MICALL2: variants seen among roughly 807,000 people sequenced by gnomAD.
MICALL2 encodes MICAL like 2.
MICALL2 carries 111 observed loss-of-function variants against 91.1 expected under a neutral mutation model. The ratio of observed to expected loss-of-function variants is 1.22; its 90% CI spans 1.04 to 1.43. The LOEUF (loss-of-function observed/expected upper bound fraction) is 1.43, where lower values mean the gene tolerates loss of function less well. Ranked by LOEUF, MICALL2 falls within the 40% of genes most tolerant of loss-of-function variation. The pLI is 0.00. For synonymous variants in MICALL2, 694 were observed against 525.3 expected, an observed-to-expected ratio of 1.32 and a Z score of -4.39; for missense variants, 1,556 against 1,236.0, an observed-to-expected ratio of 1.26 and a Z score of -3.88.
chr7:1,436,328 G>A (rs980769630), intron 15 of MICALL2, among the ~76,000 whole-genome samples: 1 of 151,630 alleles, frequency 6.6e-6, no homozygotes, highest in African/African-American at 2.4e-5. Flanking sequence ...GTTGCAGTGA[G>A]CCAAGATCGC....
At chr7:1,434,771 G>A in intron 16 of MICALL2, 99 bp from the exon 17 acceptor site, 2 of 1,273,432 alleles carry the variant, frequency 1.6e-6, no homozygotes. Flanking sequence ...CCCTTCCACT[G>A]GCCACAATCC....
rs553458652 is a variant in MICALL2, at chr7:1,448,278, T to C, written c.334+342A>G. Among the ~76,000 whole-genome samples the C allele has an allele frequency of 2.7e-3, 410 of 152,336 alleles. 1 individual carries two copies. The highest frequency in any genetic ancestry group is 3.9e-3 in the Non-Finnish European group (266 of 68,018). Reference sequence around the variant, plus strand: ...GGGCACAGAAGCTCAGGGGTCCAGATGGGCAAACTGAGGCCCATGAGGGGC... The same window carrying C: ...GGGCACAGAAGCTCAGGGGTCCAGACGGGCAAACTGAGGCCCATGAGGGGC... On this transcript the variant is annotated intron_variant, in intron 3 of 16. Transcript: ENST00000297508.
chr7:1,440,569 G>C, intron 8 of MICALL2, 22 bp downstream of exon 8: 1 of 1,604,692 alleles, frequency 6.2e-7, no homozygotes, highest in Non-Finnish European at 8.5e-7. Context: ...CAGGCCCTGG[G>C]CCAGCCCCAC....
intron 4 of MICALL2, 115 bp downstream of exon 4, chr7:1,447,460 C>T (rs891194135): frequency 4.7e-6 from 3 of 639,460 alleles, no homozygotes; most frequent in African/African-American, 3.7e-5. Flanking sequence ...ACTGGGGGAG[C>T]CGCACCCCAC....
chr7:1,440,924 T>G, intron 7 of MICALL2: 3 of 508,040 alleles, frequency 5.9e-6, no homozygotes, highest in Non-Finnish European at 1.1e-5. Flanking sequence ...GGGCCTCAAC[T>G]TCCCCTTCTG....
chr7:1,458,326 T>C (rs1032587340), intron 1 of MICALL2, among the ~76,000 whole-genome samples: 1 of 152,072 alleles, frequency 6.6e-6, no homozygotes, highest in African/African-American at 2.4e-5. Flanking sequence ...CCCCGAGACC[T>C]TCCCACCAAA....
At chr7:1,437,126 C>A (rs889811103) in intron 14 of MICALL2, 1 of 477,300 alleles carries the variant, frequency 2.1e-6, no homozygotes, top group African/African-American at 2.0e-5. Flanking sequence ...GCGTCGCTGT[C>A]CCTGCAGCAC....
chr7:1,457,821 G>A (rs2128527034), intron 1 of MICALL2, among the ~76,000 whole-genome samples: 1 of 152,372 alleles, frequency 6.6e-6, no homozygotes, highest in South Asian at 2.1e-4. Context: ...GGATGCCTGG[G>A]CTCAGCCACC....
At chr7:1,437,276 C>A in intron 14 of MICALL2, 1 of 541,416 alleles carries the variant, frequency 1.8e-6, no homozygotes, top group Admixed American at 3.8e-5. Context: ...TTAATCCTCA[C>A]AACAGCTGCG....
chr7:1,445,596 G>A (rs1008723291), intron 5 of MICALL2, among the ~76,000 whole-genome samples, 168 bp from the exon 6 acceptor site: 8 of 152,172 alleles, frequency 5.3e-5, no homozygotes, highest in African/African-American at 1.9e-4. Context: ...CAGGCATTGC[G>A]GACTCCTGTG....
chr7:1,440,332 G>A (rs1430701973), intron 8 of MICALL2: 6 of 622,216 alleles, frequency 9.6e-6, no homozygotes, highest in African/African-American at 1.8e-5. Context: ...CCACACATGG[G>A]GAGACTCCAC....
In MICALL2 at chr7:1,442,302, G is replaced by C. The variant is rs1780326195; in HGVS notation, c.1601C>G (p.Ala534Gly). The C allele has an allele frequency of 6.2e-7, 1 of 1,613,050 alleles. No individual in the cohort carries two copies. Among genetic ancestry groups the C allele is most frequent in the African/African-American group, 1.3e-5 (1 of 74,942 alleles). ...STSQASALPP[A>G]GRRNLAESSG... Reference sequence around the variant, plus strand: ...GGATTCCGCCAAGTTCCTCCTGCCTGCCGGGGGCAACGCGGATGCCTGAGA... The same window carrying C: ...GGATTCCGCCAAGTTCCTCCTGCCTCCCGGGGGCAACGCGGATGCCTGAGA... The change falls in exon 7 of 17, where the codon GCA becomes GGA. Residue 534 changes from alanine (A) to glycine (G), a missense_variant. Transcript: ENST00000297508.
Position 1,444,860 on chromosome 7 carries a change from G to C in MICALL2, c.1210C>G (p.Pro404Ala), listed in dbSNP as rs1780490342. The C allele has an allele frequency of 5.0e-6, 8 of 1,602,806 alleles. No individual in the cohort carries two copies. Among genetic ancestry groups the C allele is most frequent in the South Asian group, 1.1e-5 (1 of 90,536 alleles). ...SSTSAATVDP[P>A]AWTPSASRTQ... ...CTGGAGGCGGACGGGGTCCAGGCTG[G>C]GGGGTCCACCGTGGCTGCAGATGTG... is the stretch of plus-strand genomic sequence containing the variant. Residue 404 changes from proline (P) to alanine (A), a missense_variant, in exon 6 of 17, where the codon CCA (proline) becomes GCA (alanine). By Grantham distance (27) the Pro-to-Ala change is conservative. Transcript: ENST00000297508.
At chr7:1,455,038 A>G (rs970408291) in intron 1 of MICALL2, among the ~76,000 whole-genome samples, 22 of 152,092 alleles carry the variant, frequency 1.4e-4, no homozygotes, top group African/African-American at 4.8e-4. Context: ...AATCCGACAA[A>G]TGCCCCCAGC....
At chr7:1,443,092 C>A (rs920169308) in intron 6 of MICALL2, among the ~76,000 whole-genome samples, 2 of 137,570 alleles carry the variant, frequency 1.5e-5, no homozygotes, top group Non-Finnish European at 3.2e-5. Flanking sequence ...CCCCACCCCC[C>A]TCGACAACCA....
At position 1,444,704 on chromosome 7, in the gene MICALL2, G is replaced by T; in HGVS notation, c.1366C>A (p.Leu456Ile). 1 of 1,612,298 alleles carries T rather than the reference G, an allele frequency of 6.2e-7. No individual in the cohort carries two copies. ...DSSKEQARNF[L>I]KQALSALEEA... ...TCCAGCGCTGAGAGGGCCTGCTTGAGGAAGTTCCGCGCCTGCTCCTTGCTG... is the reference window on the plus strand; with the variant it reads ...TCCAGCGCTGAGAGGGCCTGCTTGATGAAGTTCCGCGCCTGCTCCTTGCTG... The change falls in exon 6 of 17, where the codon CTC becomes ATC. Residue 456 changes from leucine (L) to isoleucine (I), a missense_variant. Physicochemically the swap from Leu to Ile is conservative, Grantham distance 5. Transcript: ENST00000297508.
intron 1 of MICALL2, chr7:1,450,496 C>G (rs1466618211): frequency 1.8e-6 from 1 of 568,452 alleles, no homozygotes; most frequent in Non-Finnish European, 3.2e-6. Flanking sequence ...GACCGTAGTA[C>G]GACATCAGAC....
chr7:1,435,731 A>G (rs964959314), intron 15 of MICALL2, among the ~76,000 whole-genome samples: 2 of 152,220 alleles, frequency 1.3e-5, no homozygotes, highest in African/African-American at 4.8e-5. Context: ...GAGCCAGGAG[A>G]CGCACGTGGC....
chr7:1,438,693 G>C lies in MICALL2; in HGVS notation c.2122+147C>G, dbSNP rs200537118. Reference sequence around the variant, plus strand: ...GTCTCTATTCATGAGGGCGGGCCTGGGGCACGGGGCTGGGTCCTTCCTCCA... The same window carrying C: ...GTCTCTATTCATGAGGGCGGGCCTGCGGCACGGGGCTGGGTCCTTCCTCCA... On this transcript the variant is annotated intron_variant, in intron 10 of 16. Transcript: ENST00000297508. 1.1e-3 allele frequency: 1,669 copies of C among 1,473,008 alleles called. 28 individuals carry two copies. The South Asian group carries it at 0.021, about 19-fold the overall frequency. The allele number at this position is 1,473,008 out of a possible 1,614,324, so 91.2% of individuals were successfully genotyped here.
Sources: gnomAD v4.1 joint callset for allele counts (sites outside exome capture counted in the v4.1 genomes callset) on GRCh38, gnomAD v4.1.1 for gene constraint, MANE v1.5 for transcripts, NCBI Gene and HGNC (gene_info 2026-07-23, HGNC 2026-07-21) for gene names.